Variants in TMEM117 observed in about 807,000 individuals in gnomAD.
The protein encoded by TMEM117 is transmembrane protein 117.
TMEM117 carries 27 observed loss-of-function variants against 52.4 expected under a neutral mutation model. The ratio of observed to expected loss-of-function variants is 0.51; its 90% confidence interval spans 0.38 to 0.71. The LOEUF is 0.71. TMEM117 is among the 30% of genes least tolerant of loss of function. The pLI, the probability that TMEM117 is intolerant of heterozygous loss-of-function variation, is 0.00. For synonymous variants in TMEM117, 215 were observed against 206.3 expected, an observed-to-expected ratio of 1.04 and a Z score of -0.36; for missense variants, 556 against 630.5, an observed-to-expected ratio of 0.88 and a Z score of 1.26.
At chr12:44,084,249 G>A (rs983336529) in intron 3 of TMEM117, among the ~76,000 whole-genome samples, 2 of 151,952 alleles carry the variant, frequency 1.3e-5, no homozygotes, top group Non-Finnish European at 2.9e-5. Context: ...ACATTTTTAT[G>A]TTATTTAAAC....
In TMEM117 at chr12:44,229,428, C is replaced by T. The variant is rs552047123; in HGVS notation, c.608+18041C>T. 9.9e-5 allele frequency among the ~76,000 whole-genome samples: 15 copies of T among 152,130 alleles called. 1 individual carries two copies. Among genetic ancestry groups the T allele is most frequent in the Admixed American group, 8.5e-4 (13 of 15,238 alleles). On this transcript the variant is annotated intron_variant, in intron 5 of 7. Coordinates refer to ENST00000266534, the MANE Select transcript of TMEM117 (RefSeq NM_032256.3). Reference sequence around the variant, plus strand: ...CTCAGAGTCACCCCACTATGACCTCCCATTAGTTGAGATGTGATCACAGTT... The same window carrying T: ...CTCAGAGTCACCCCACTATGACCTCTCATTAGTTGAGATGTGATCACAGTT...
chr12:44,097,050 C>T (rs1475311704), intron 3 of TMEM117, among the ~76,000 whole-genome samples: 5 of 152,024 alleles, frequency 3.3e-5, no homozygotes, highest in African/African-American at 7.2e-5. Context: ...AAAAAGTGGG[C>T]GAAGCATATG....
At chr12:43,944,449 C>G in intron 3 of TMEM117, 107 bp downstream of exon 3, 1 of 1,065,046 alleles carries the variant, frequency 9.4e-7, no homozygotes, top group Non-Finnish European at 1.3e-6. Flanking sequence ...TACAAATATT[C>G]TACCCTAAGA....
At chr12:44,135,630 G>A (rs950021726) in intron 3 of TMEM117, among the ~76,000 whole-genome samples, 3 of 152,018 alleles carry the variant, frequency 2.0e-5, no homozygotes, top group Non-Finnish European at 4.4e-5. Context: ...GAAGATGGAC[G>A]AAAAGAAGAA....
chr12:43,986,297 G>A (rs1051265495), intron 3 of TMEM117, among the ~76,000 whole-genome samples: 2 of 152,108 alleles, frequency 1.3e-5, no homozygotes, highest in Non-Finnish European at 2.9e-5. Context: ...ATCATCTACA[G>A]TTAATGTACT....
intron 3 of TMEM117, among the ~76,000 whole-genome samples, chr12:44,075,960 G>C (rs766478166): frequency 8.5e-5 from 13 of 152,206 alleles, no homozygotes; most frequent in Non-Finnish European, 1.8e-4. Flanking sequence ...AGCATTGTCT[G>C]AGTCCTAGCA....
At chr12:44,211,968 C>A (rs941907054) in intron 5 of TMEM117, among the ~76,000 whole-genome samples, 3 of 152,190 alleles carry the variant, frequency 2.0e-5, no homozygotes, top group Non-Finnish European at 1.5e-5. Context: ...GCAAGAAGGG[C>A]ACTTTCACGT....
chr12:43,945,109 C>CTAGATAAATAAATAAA (rs1555186616), intron 3 of TMEM117, among the ~76,000 whole-genome samples: 28 of 141,648 alleles, frequency 2.0e-4, no homozygotes, highest in Non-Finnish European at 3.1e-5. Flanking sequence ...GACTCCGTCT[C>CTAGATAAATAAATAAA]TAAATAAATA....
intron 2 of TMEM117, among the ~76,000 whole-genome samples, chr12:43,936,381 A>AT (rs1436410767): frequency 1.3e-5 from 2 of 152,014 alleles, no homozygotes; most frequent in Non-Finnish European, 2.9e-5. Flanking sequence ...GAGGGTAGGG[A>AT]TTTTGGCTTT....
intron 3 of TMEM117, among the ~76,000 whole-genome samples, chr12:43,950,446 G>A (rs1312907128): frequency 4.7e-5 from 7 of 150,412 alleles, no homozygotes; most frequent in Admixed American, 1.3e-4. Context: ...TGGGGGTGGG[G>A]TCTTGTGGGG....
In TMEM117 at chr12:43,844,937, C is replaced by G. The variant is rs765932479; in HGVS notation, c.277+9C>G. The G allele has an allele frequency of 5.0e-6, 8 of 1,597,410 alleles. No homozygotes were observed. The highest frequency in any genetic ancestry group is 2.2e-5 in the East Asian group (1 of 44,782). On this transcript the variant is annotated intron_variant, in intron 2 of 7. Transcript: ENST00000266534. Reference sequence around the variant, plus strand: ...CCATCAGCGTTTGTTTGGTAAGTACCATGACCCATGAAATGTAATATCACT... The same window carrying G: ...CCATCAGCGTTTGTTTGGTAAGTACGATGACCCATGAAATGTAATATCACT...
intron 5 of TMEM117, among the ~76,000 whole-genome samples, chr12:44,223,769 T>C (rs577752018): frequency 3.3e-5 from 5 of 152,312 alleles, no homozygotes; most frequent in Admixed American, 1.3e-4. Flanking sequence ...CCAGAGCTTA[T>C]ACAGGCTGAC....
chr12:43,900,553 A>C (rs1327985951), intron 2 of TMEM117, among the ~76,000 whole-genome samples: 1 of 151,940 alleles, frequency 6.6e-6, no homozygotes, highest in Non-Finnish European at 1.5e-5. Context: ...CTCTGTCTCT[A>C]CTAAAAATAC....
At chr12:43,920,658 G>A (rs566279652) in intron 2 of TMEM117, among the ~76,000 whole-genome samples, 1 of 148,916 alleles carries the variant, frequency 6.7e-6, no homozygotes, top group African/African-American at 2.5e-5. Flanking sequence ...CTCAAGGAGT[G>A]ATCCCTCTGC....
At chr12:43,807,722 A>G in the TMEM117 span, among the ~76,000 whole-genome samples, 35 of 152,102 alleles carry the variant, frequency 2.3e-4, no homozygotes, top group Non-Finnish European at 4.6e-4. Flanking sequence ...GAAGAAGAGG[A>G]ATGTCTAGTT....
In TMEM117 at chr12:43,865,608, A is replaced by C. The variant is rs143151618; in HGVS notation, c.277+20680A>C. The stretch of plus-strand genomic sequence containing the variant: ...GCTACTAGAGGGGCTGAGGCAGGAG[A>C]GATGCTTGAACCTGGGAGGTGGAGG... On this transcript the variant is annotated intron_variant, in intron 2 of 7. Coordinates refer to ENST00000266534, the MANE Select transcript of TMEM117 (RefSeq NM_032256.3). 8.1e-3 allele frequency among the ~76,000 whole-genome samples: 1,232 copies of C among 151,938 alleles called. 16 individuals are homozygous for C. The highest frequency in any genetic ancestry group is 0.027 in the African/African-American group (1,130 of 41,404).
chr12:44,305,101 C>T (rs1950888182), intron 6 of TMEM117, among the ~76,000 whole-genome samples: 1 of 152,132 alleles, frequency 6.6e-6, no homozygotes, highest in Non-Finnish European at 1.5e-5. Flanking sequence ...AAGGAGAGAG[C>T]CAGGCCTGGC....
intron 7 of TMEM117, among the ~76,000 whole-genome samples, chr12:44,381,057 T>C (rs942832617): frequency 1.3e-5 from 2 of 152,194 alleles, no homozygotes; most frequent in African/African-American, 4.8e-5. Flanking sequence ...ATAACTTGAA[T>C]TGTTGCATCT....
the TMEM117 span, among the ~76,000 whole-genome samples, chr12:43,816,756 C>T: frequency 6.6e-6 from 1 of 152,196 alleles, no homozygotes; most frequent in African/African-American, 2.4e-5. Context: ...ATGAACTAAA[C>T]ATTCTCTAAA....
Sources: allele counts gnomAD v4.1 joint callset (sites outside exome capture counted in the v4.1 genomes callset), GRCh38; gene constraint gnomAD v4.1.1; transcripts MANE v1.5; gene names NCBI Gene and HGNC (gene_info 2026-07-23, HGNC 2026-07-21).